The following ZNF565 variants were observed in gnomAD, a reference collection of about 807,000 sequenced individuals.
The protein encoded by ZNF565 is zinc finger protein 565.
Under a neutral mutation model 39.4 loss-of-function variants are expected in ZNF565, and 27 were observed. The ratio of observed to expected loss-of-function variants is 0.69; its 90% CI spans 0.51 to 0.95. The LOEUF is 0.95. Ranked by LOEUF, ZNF565 falls within the 40% of genes least tolerant of loss-of-function variation. The pLI is 0.00. For missense variants in ZNF565, 524 were observed against 621.1 expected (o/e 0.84, Z 1.66); for synonymous variants, 185 against 216.6 (o/e 0.85, Z 1.28).
chr19:36,219,764 T>G (rs1208275065), intron 1 of ZNF565, among the ~76,000 whole-genome samples: 2 of 152,218 alleles, frequency 1.3e-5, no homozygotes, highest in South Asian at 2.1e-4. Context: ...TTCTGTTTTT[T>G]TTGTTGTTGT....
intron 1 of ZNF565, among the ~76,000 whole-genome samples, chr19:36,225,567 C>T (rs1977028634): frequency 6.6e-6 from 1 of 151,830 alleles, no homozygotes; most frequent in Non-Finnish European, 1.5e-5. Flanking sequence ...CCTTTTGTCT[C>T]AGCCTGTCAA....
chr19:36,221,927 C>CTTTTTTTTT (rs60347994), intron 1 of ZNF565, among the ~76,000 whole-genome samples: 14 of 109,884 alleles, frequency 1.3e-4, no homozygotes, highest in Non-Finnish European at 1.8e-4. Flanking sequence ...TTTTTTCTTT[C>CTTTTTTTTT]TTTTTTTTTT....
chr19:36,229,983 G>C (rs1977253516), intron 1 of ZNF565, among the ~76,000 whole-genome samples: 1 of 152,244 alleles, frequency 6.6e-6, no homozygotes, highest in Non-Finnish European at 1.5e-5. Flanking sequence ...GCCTCTCAAA[G>C]TGCTGGGATT....
Position 36,183,127 on chromosome 19 carries a change from A to G in ZNF565, c.839T>C (p.Val280Ala). ...GAAAGCCTTGCCACAGTCTTTACAT[A>G]CGTAGGGTTTCTCGCCTGTGTGAGT... ...QRTHTGEKPY[V>A]CKDCGKAFIR... is the part of the protein sequence containing the mutation. The change falls in exon 5 of 5, where the codon GTA becomes GCA. Residue 280 changes from valine (V) to alanine (A), a missense_variant. Coordinates refer to ENST00000304116, the MANE Select transcript of ZNF565 (RefSeq NM_152477.5). 6.2e-7 allele frequency: 1 copy of G among 1,614,016 alleles called. No individual in the cohort carries two copies. Among genetic ancestry groups the G allele is most frequent in the Non-Finnish European group, 8.5e-7 (1 of 1,180,006 alleles).
At chr19:36,186,817 A>T (rs1975317844) in intron 4 of ZNF565, among the ~76,000 whole-genome samples, 1 of 152,186 alleles carries the variant, frequency 6.6e-6, no homozygotes, top group African/African-American at 2.4e-5. Flanking sequence ...CATTTGTCAG[A>T]TTGGATAAAA....
intron 1 of ZNF565, among the ~76,000 whole-genome samples, chr19:36,239,058 A>G (rs1568439548): frequency 6.6e-6 from 1 of 152,280 alleles, no homozygotes; most frequent in African/African-American, 2.4e-5. Context: ...TTCTACCCCC[A>G]CAAACCGTCC....
At chr19:36,203,820 G>A (rs977217927) in intron 1 of ZNF565, among the ~76,000 whole-genome samples, 4 of 151,952 alleles carry the variant, frequency 2.6e-5, no homozygotes, top group Admixed American at 6.6e-5. Flanking sequence ...CAGGTGATCC[G>A]CCCACCTTGG....
At chr19:36,196,912 C>A (rs1156394662) in intron 2 of ZNF565, among the ~76,000 whole-genome samples, 2 of 152,124 alleles carry the variant, frequency 1.3e-5, no homozygotes, top group African/African-American at 4.8e-5. Flanking sequence ...AAAAAATTAG[C>A]TGCGCGTGGT....
At chr19:36,236,482 C>A (rs1032673956) in intron 1 of ZNF565, 3 of 1,612,948 alleles carry the variant, frequency 1.9e-6, no homozygotes, top group Non-Finnish European at 2.5e-6. Flanking sequence ...GTGGGGAAAA[C>A]CCCTTTGCCT....
chr19:36,186,216 C>T (rs1203518160), intron 4 of ZNF565, among the ~76,000 whole-genome samples: 1 of 152,084 alleles, frequency 6.6e-6, no homozygotes, highest in Non-Finnish European at 1.5e-5. Context: ...AGGCTGGTCT[C>T]CTGAACTCCT....
intron 1 of ZNF565, among the ~76,000 whole-genome samples, chr19:36,244,421 AC>A: frequency 6.6e-6 from 1 of 151,958 alleles, no homozygotes; most frequent in East Asian, 1.9e-4. Flanking sequence ...GGTGGTGGGT[AC>A]CTGTCATCCC....
At chr19:36,217,723 A>G (rs1287673476), upstream of ZNF565, among the ~76,000 whole-genome samples, 1 of 152,004 alleles carries the variant, frequency 6.6e-6, no homozygotes, top group Non-Finnish European at 1.5e-5. Context: ...CGTCTCTACT[A>G]AAAATACAAA....
upstream of ZNF565, among the ~76,000 whole-genome samples, chr19:36,217,079 T>TTTTTTTC (rs1976642883): frequency 7.8e-6 from 1 of 128,152 alleles, no homozygotes; most frequent in Non-Finnish European, 1.7e-5. Flanking sequence ...TTTTTTTTTT[T>TTTTTTTC]TGAGATGGAG....
intron 1 of ZNF565, among the ~76,000 whole-genome samples, chr19:36,226,059 T>G (rs1977053874): frequency 6.6e-6 from 1 of 152,182 alleles, no homozygotes; most frequent in African/African-American, 2.4e-5. Context: ...CATGAGCCAC[T>G]GCGTCCAGCC....
intron 1 of ZNF565, chr19:36,237,325 C>G (rs1347964032): frequency 4.4e-6 from 7 of 1,578,436 alleles, no homozygotes; most frequent in Non-Finnish European, 6.0e-6. Flanking sequence ...ACTAAAAACC[C>G]CATGAAAGCC....
chr19:36,213,760 G>A (rs1000053811), intron 1 of ZNF565, among the ~76,000 whole-genome samples: 2 of 142,102 alleles, frequency 1.4e-5, no homozygotes, highest in African/African-American at 5.4e-5. Flanking sequence ...CTCCCACCTC[G>A]GCCTCCCAAA....
At chr19:36,208,085 T>TA (rs142463419) in intron 1 of ZNF565, among the ~76,000 whole-genome samples, 50 of 152,238 alleles carry the variant, frequency 3.3e-4, no homozygotes, top group African/African-American at 1.2e-3. Context: ...GAGCAATTTT[T>TA]AAAAAGAGGA....
chr19:36,204,845 C>A (rs1361074768), intron 1 of ZNF565, among the ~76,000 whole-genome samples: 1 of 151,766 alleles, frequency 6.6e-6, no homozygotes. Context: ...CAAAAATTAG[C>A]CAGGCACGGT....
At chr19:36,238,446 T>C (rs1977725630) in intron 1 of ZNF565, 1 of 167,058 alleles carries the variant, frequency 6.0e-6, no homozygotes, top group African/African-American at 2.4e-5. Flanking sequence ...GACTTCAGCT[T>C]TTTATATAAA....
Sources: allele counts gnomAD v4.1 joint callset (sites outside exome capture counted in the v4.1 genomes callset), GRCh38; gene constraint gnomAD v4.1.1; transcripts MANE v1.5; gene names NCBI Gene and HGNC (gene_info 2026-07-23, HGNC 2026-07-21).